Variants in MAGI2 observed in about 807,000 individuals in gnomAD.
The protein encoded by MAGI2 is membrane-associated guanylate kinase, WW and PDZ domain-containing protein 2.
MAGI2 carries 35 observed loss-of-function variants against 133.3 expected under a neutral mutation model. The ratio of observed to expected loss-of-function variants is 0.26; its 90% CI spans 0.20 to 0.35. The LOEUF is 0.35. MAGI2 is among the 10% of genes least tolerant of loss of function. MAGI2 has a pLI of 1.00. For missense variants in MAGI2, 1,636 were observed against 1,863.4 expected (o/e 0.88, Z 2.25); for synonymous variants, 729 against 710.6 (o/e 1.03, Z -0.41).
chr7:79,266,179 T>C (rs1170109388), intron 1 of MAGI2, among the ~76,000 whole-genome samples: 1 of 151,760 alleles, frequency 6.6e-6, no homozygotes, highest in Admixed American at 6.6e-5. Flanking sequence ...CCTGACCCCA[T>C]ATGGTGCACA....
intron 2 of MAGI2, among the ~76,000 whole-genome samples, chr7:78,999,851 T>G (rs1187749203): frequency 4.6e-5 from 7 of 152,204 alleles, no homozygotes; most frequent in Non-Finnish European, 2.9e-5. Flanking sequence ...CCCTTATTCT[T>G]CACAACACCA....
At chr7:78,067,003 G>GT (rs1813902791) in intron 21 of MAGI2, among the ~76,000 whole-genome samples, 1 of 152,238 alleles carries the variant, frequency 6.6e-6, no homozygotes, top group Admixed American at 6.5e-5. Context: ...GCCACATGGG[G>GT]TGTTTTTCAT....
chr7:78,333,688 G>A (rs1000815593), intron 9 of MAGI2, among the ~76,000 whole-genome samples: 1 of 152,164 alleles, frequency 6.6e-6, no homozygotes, highest in African/African-American at 2.4e-5. Flanking sequence ...AGACTGTGTG[G>A]AGCAATGCCT....
chr7:79,286,598 C>CAGAT (rs34319357), intron 1 of MAGI2, among the ~76,000 whole-genome samples: 93,200 of 151,426 alleles, frequency 0.62, 29,980 homozygotes, highest in Non-Finnish European at 0.7. Flanking sequence ...AGCTCAGAAA[C>CAGAT]AGCCCAAAAT....
chr7:79,212,927 AT>A (rs1352573228), intron 1 of MAGI2, among the ~76,000 whole-genome samples: 1 of 151,800 alleles, frequency 6.6e-6, no homozygotes, highest in Non-Finnish European at 1.5e-5. Context: ...CTTCCATGTG[AT>A]TTTCAGTGGA....
At chr7:78,824,573 C>T (rs1486712201) in intron 2 of MAGI2, among the ~76,000 whole-genome samples, 1 of 152,118 alleles carries the variant, frequency 6.6e-6, no homozygotes, top group Non-Finnish European at 1.5e-5. Flanking sequence ...TAAATATCTT[C>T]TTTTGAGAAG....
At chr7:79,249,200 T>A (rs1833044621) in intron 1 of MAGI2, among the ~76,000 whole-genome samples, 1 of 152,132 alleles carries the variant, frequency 6.6e-6, no homozygotes, top group South Asian at 2.1e-4. Flanking sequence ...TTTATGGCGA[T>A]AAGTACCTGC....
chr7:78,814,428 G>A (rs1000543597), intron 2 of MAGI2, among the ~76,000 whole-genome samples: 1 of 152,170 alleles, frequency 6.6e-6, no homozygotes, highest in African/African-American at 2.4e-5. Context: ...TGCTAACTGA[G>A]TAATTTAGGA....
chr7:78,159,171 G>A (rs1030964239), intron 16 of MAGI2, among the ~76,000 whole-genome samples: 9 of 152,264 alleles, frequency 5.9e-5, no homozygotes, highest in Middle Eastern at 3.4e-3. Context: ...CCGGCTCTAC[G>A]TAAATTACTC....
intron 2 of MAGI2, among the ~76,000 whole-genome samples, chr7:78,702,025 T>TCCCCTTG (rs920537172): frequency 1.3e-5 from 2 of 151,920 alleles, no homozygotes; most frequent in Non-Finnish European, 2.9e-5. Context: ...AGAAGGGAAC[T>TCCCCTTG]CCCCTTGAGA....
At chr7:78,511,792 A>T (rs1795604125) in intron 4 of MAGI2, among the ~76,000 whole-genome samples, 1 of 151,188 alleles carries the variant, frequency 6.6e-6, no homozygotes, top group South Asian at 2.1e-4. Flanking sequence ...AAAATTCATT[A>T]TAATTAATAT....
chr7:79,410,807 A>G (rs1585880003), intron 1 of MAGI2: 1 of 152,262 alleles, frequency 6.6e-6, no homozygotes, highest in East Asian at 1.9e-4. Context: ...GCAGATATCA[A>G]GGTGTTGAAA....
intron 10 of MAGI2, among the ~76,000 whole-genome samples, chr7:78,223,414 T>C (rs965292435): frequency 2.0e-5 from 3 of 152,044 alleles, no homozygotes; most frequent in African/African-American, 7.2e-5. Context: ...TTTCTGAAAA[T>C]AGAAATTATA....
At chr7:78,916,714 G>A (rs1798823771) in intron 2 of MAGI2, among the ~76,000 whole-genome samples, 1 of 152,050 alleles carries the variant, frequency 6.6e-6, no homozygotes, top group Non-Finnish European at 1.5e-5. Context: ...AGAACTGTAT[G>A]TCATTCTTTG....
intron 2 of MAGI2, among the ~76,000 whole-genome samples, chr7:78,922,706 C>G (rs1048169852): frequency 6.6e-6 from 1 of 151,916 alleles, no homozygotes; most frequent in African/African-American, 2.4e-5. Flanking sequence ...GGGTATATAC[C>G]CAGTAATGTG....
intron 1 of MAGI2, among the ~76,000 whole-genome samples, chr7:79,322,296 T>C (rs1839240399): frequency 6.6e-6 from 1 of 152,132 alleles, no homozygotes; most frequent in African/African-American, 2.4e-5. Flanking sequence ...CCAGCTTCCA[T>C]GTTTTCCCTC....
At chr7:78,658,853 G>C (rs778684701) in intron 2 of MAGI2, among the ~76,000 whole-genome samples, 4 of 152,150 alleles carry the variant, frequency 2.6e-5, no homozygotes, top group Admixed American at 6.5e-5. Context: ...GATTAGTCGT[G>C]GGATGTATAA....
chr7:78,744,767 G>C (rs1434182000), intron 2 of MAGI2, among the ~76,000 whole-genome samples: 3 of 152,048 alleles, frequency 2.0e-5, no homozygotes, highest in African/African-American at 7.2e-5. Context: ...GCAGTGATTT[G>C]GTTTTAAAAC....
chr7:79,035,552 T>A (rs927814886), intron 1 of MAGI2, among the ~76,000 whole-genome samples: 1 of 152,166 alleles, frequency 6.6e-6, no homozygotes, highest in Non-Finnish European at 1.5e-5. Flanking sequence ...GGTAAAGGCA[T>A]AATTATGTAA....
Sources: gnomAD v4.1 joint callset for allele counts (sites outside exome capture counted in the v4.1 genomes callset) on GRCh38, gnomAD v4.1.1 for gene constraint, MANE v1.5 for transcripts, NCBI Gene and HGNC (gene_info 2026-07-23, HGNC 2026-07-21) for gene names.